LZIC: variants seen among roughly 807,000 people sequenced by gnomAD.
LZIC encodes protein LZIC.
LZIC carries 28 observed loss-of-function variants against 25.4 expected under a neutral mutation model. That is an observed-to-expected ratio of 1.10 (90% confidence interval 0.82 to 1.51). The LOEUF (loss-of-function observed/expected upper bound fraction) is 1.51. LZIC is among the 40% of genes most tolerant of loss of function. The probability of loss-of-function intolerance (pLI) is 0.00; values close to 1 mark genes in which losing one functional copy is unlikely to be tolerated. For synonymous variants in LZIC, 65 were observed against 70.7 expected (o/e 0.92, Z 0.40); for missense variants, 170 against 211.1 (o/e 0.81, Z 1.21).
Position 9,936,599 on chromosome 1 carries a change from T to TGAG in LZIC, c.20_21insCTC (p.Thr7_Glu8insSer). On this transcript the variant is annotated inframe_insertion, in exon 3 of 8. Transcript: ENST00000377223. ...AATTCTGCTTTAATTTGCTTGTCTCTGTCTTTCCTCTGGAAGCCATTTTAA... is the reference window on the plus strand; with the variant it reads ...AATTCTGCTTTAATTTGCTTGTCTCTGAGGTCTTTCCTCTGGAAGCCATTTTAA... The TGAG allele has an allele frequency of 2.5e-6, 4 of 1,613,048 alleles. No homozygotes were observed. The highest frequency in any genetic ancestry group is 3.4e-6 in the Non-Finnish European group (4 of 1,179,238).
At position 9,942,628 on chromosome 1, in the gene LZIC, C is replaced by CTTT; in HGVS notation, c.-14_-13insAAA. ...AGGGTCCTCATTCATGCTCACCTGTCTCTTAGTACTCTGATCTCTGCACAG... is the reference window on the plus strand; with the variant it reads ...AGGGTCCTCATTCATGCTCACCTGTCTTTTCTTAGTACTCTGATCTCTGCACAG... On this transcript the variant is annotated 5_prime_UTR_variant, in exon 2 of 8. Transcript: ENST00000377223. 1 of 1,283,610 alleles carries CTTT rather than the reference C, an allele frequency of 7.8e-7. No individual in the cohort carries two copies. 79.5% of individuals were successfully genotyped at this position (1,283,610 alleles called of 1,614,324 possible). A position where few individuals can be genotyped will look rare whatever the true frequency, so the allele number is the denominator to read the frequency against.
downstream of LZIC, among the ~76,000 whole-genome samples, chr1:9,925,157 CAAAAAA>C (rs35578033): frequency 9.9e-6 from 1 of 101,308 alleles, no homozygotes. Context: ...ACTAAAAATA[CAAAAAA>C]AAAAAAAAAA....
chr1:9,934,923 T>C, intron 4 of LZIC, 63 bp from the exon 5 acceptor site: 1 of 1,164,516 alleles, frequency 8.6e-7, no homozygotes, highest in Non-Finnish European at 1.3e-6. Flanking sequence ...TTGCAATAAC[T>C]GATTGACGGA....
At chr1:9,938,114 A>G (rs543291717) in intron 2 of LZIC, among the ~76,000 whole-genome samples, 1 of 152,168 alleles carries the variant, frequency 6.6e-6, no homozygotes, top group South Asian at 2.1e-4. Flanking sequence ...TTATAGCCCC[A>G]AACACTCCAG....
chr1:9,941,569 G>A (rs546973830), intron 2 of LZIC, among the ~76,000 whole-genome samples: 2 of 147,800 alleles, frequency 1.4e-5, no homozygotes, highest in African/African-American at 2.5e-5. Context: ...GCACGATCTC[G>A]GCTCACTGCA....
At chr1:9,925,369 AAAAC>A (rs991800019), downstream of LZIC, among the ~76,000 whole-genome samples, 13 of 152,130 alleles carry the variant, frequency 8.5e-5, no homozygotes, top group African/African-American at 3.1e-4. Context: ...TTCACTCTAA[AAAAC>A]AAACACACAG....
chr1:9,933,036 C>G (rs1012417465), intron 5 of LZIC, 138 bp from the exon 6 acceptor site: 1 of 572,918 alleles, frequency 1.7e-6, no homozygotes, highest in South Asian at 2.1e-5. Flanking sequence ...GGGCGGATCA[C>G]GAGGTCAGGA....
intron 5 of LZIC, among the ~76,000 whole-genome samples, chr1:9,933,348 C>T (rs1409483441): frequency 6.8e-6 from 1 of 146,610 alleles, no homozygotes; most frequent in East Asian, 2.0e-4. Flanking sequence ...AAAAAATCCT[C>T]TAGCTGATTA....
At position 9,932,908 on chromosome 1, in the gene LZIC, A is replaced by G; in HGVS notation, c.337-10T>C. On this transcript the variant is annotated splice_polypyrimidine_tract_variant and intron_variant, in intron 5 of 7. Coordinates refer to ENST00000377223, the MANE Select transcript of LZIC (RefSeq NM_032368.5). ...TCAGATCTCTATCCATCTAAAACGT[A>G]TGAATGCAAGGCATATGTTACTTAA... is the stretch of plus-strand genomic sequence containing the variant. 1 of 1,550,378 alleles carries G rather than the reference A, an allele frequency of 6.5e-7. No homozygotes were observed.
At chr1:9,923,127 G>C (rs1350218298), downstream of LZIC, among the ~76,000 whole-genome samples, 1 of 152,186 alleles carries the variant, frequency 6.6e-6, no homozygotes, top group Non-Finnish European at 1.5e-5. Context: ...GGGACTCCCA[G>C]TTAATTTTAT....
rs2101578574 is a variant in LZIC, at chr1:9,928,087, G to A, written c.*2312C>T. On this transcript the variant is annotated 3_prime_UTR_variant, in exon 8 of 8. Coordinates refer to ENST00000377223, the MANE Select transcript of LZIC (RefSeq NM_032368.5). ...CCCAGCACTCTGGGAGGTTGAGGCG[G>A]GTGGATCACCTAAGGTCAGGAGTTC... 6.6e-6 allele frequency among the ~76,000 whole-genome samples: 1 copy of A among 152,194 alleles called. No individual in the cohort carries two copies. The highest frequency in any genetic ancestry group is 3.4e-3 in the Middle Eastern group (1 of 294).
Position 9,929,670 on chromosome 1 carries a change from C to G in LZIC, c.*729G>C. ...GTTCCAACCTCAAAATTCCGAGATACAACGGGCCCCATTAATACAGACAGC... is the reference window on the plus strand; with the variant it reads ...GTTCCAACCTCAAAATTCCGAGATAGAACGGGCCCCATTAATACAGACAGC... On this transcript the variant is annotated 3_prime_UTR_variant, in exon 8 of 8. Transcript: ENST00000377223. 1 of 985,432 alleles carries G rather than the reference C, an allele frequency of 1.0e-6. No homozygotes were observed. Among genetic ancestry groups the G allele is most frequent in the Non-Finnish European group, 1.2e-6 (1 of 829,934 alleles). 61.0% of individuals were successfully genotyped at this position (985,432 alleles called of 1,614,324 possible).
chr1:9,933,420 C>T (rs1231198391), intron 5 of LZIC, among the ~76,000 whole-genome samples: 2 of 151,548 alleles, frequency 1.3e-5, no homozygotes, highest in East Asian at 3.9e-4. Flanking sequence ...AAATGCAGTT[C>T]TAGTAAATCA....
At position 9,940,668 on chromosome 1, in the gene LZIC, T is replaced by C. The variant is rs187322487; in HGVS notation, c.-9+1956A>G. On this transcript the variant is annotated intron_variant, in intron 2 of 7. Coordinates refer to ENST00000377223, the MANE Select transcript of LZIC (RefSeq NM_032368.5). Reference sequence around the variant, plus strand: ...CATAATGAAATCATTACCAGATGATTTGACATGTGTACTTCATTGGAGAGG... The same window carrying C: ...CATAATGAAATCATTACCAGATGATCTGACATGTGTACTTCATTGGAGAGG... Among the ~76,000 whole-genome samples, 98 of 152,326 alleles carry C rather than the reference T, an allele frequency of 6.4e-4. No individual in the cohort carries two copies. In the East Asian group the frequency reaches 7.7e-3, roughly 12 times the overall value.
In LZIC at chr1:9,929,546, G is replaced by A. The variant is rs963936601; in HGVS notation, c.*853C>T. The A allele has an allele frequency of 1.8e-5, 18 of 985,240 alleles. No individual in the cohort carries two copies. Among genetic ancestry groups the A allele is most frequent in the South Asian group, 9.4e-5 (2 of 21,286 alleles). The allele number at this position is 985,240 out of a possible 1,614,324, so 61.0% of individuals were successfully genotyped here. ...CCCTCTGAGTGTGACAAGAGGTCAC[G>A]CACAGGGAGGGCCTCTAGCTGCCAT... On this transcript the variant is annotated 3_prime_UTR_variant, in exon 8 of 8. Coordinates refer to ENST00000377223, the MANE Select transcript of LZIC (RefSeq NM_032368.5).
chr1:9,930,337 C>G lies in LZIC; in HGVS notation c.*62G>C. On this transcript the variant is annotated 3_prime_UTR_variant, in exon 8 of 8. Transcript: ENST00000377223. ...TCATTTCTTTGCAATAACTGAAAAC[C>G]CCAGAAGAAAGACACCATTTACATT... 1 of 1,588,048 alleles carries G rather than the reference C, an allele frequency of 6.3e-7. No individual in the cohort carries two copies. The highest frequency in any genetic ancestry group is 8.6e-7 in the Non-Finnish European group (1 of 1,168,722).
At chr1:9,935,010 T>C in intron 4 of LZIC, 150 bp from the exon 5 acceptor site, 1 of 670,872 alleles carries the variant, frequency 1.5e-6, no homozygotes, top group Non-Finnish European at 2.6e-6. Flanking sequence ...TGGAAGGATA[T>C]GTTGTGTATG....
rs1446127789 is a variant in LZIC, at chr1:9,926,732, T to C, written c.*3667A>G. 6.6e-6 allele frequency among the ~76,000 whole-genome samples: 1 copy of C among 152,210 alleles called. No homozygotes were observed. The highest frequency in any genetic ancestry group is 1.5e-5 in the Non-Finnish European group (1 of 68,042). On this transcript the variant is annotated 3_prime_UTR_variant, in exon 8 of 8. Transcript: ENST00000377223. ...AACACAAGAATTCCTTTCACCAAAA[T>C]ATTAGCCTGACACAAGAATGTTGAA...
chr1:9,936,269 G>A (rs1341267528), intron 3 of LZIC, among the ~76,000 whole-genome samples: 1 of 152,142 alleles, frequency 6.6e-6, no homozygotes, highest in Non-Finnish European at 1.5e-5. Context: ...CAAAGTAGGT[G>A]TTATTTCTAC....
Sources: allele counts gnomAD v4.1 joint callset (sites outside exome capture counted in the v4.1 genomes callset), GRCh38; gene constraint gnomAD v4.1.1; transcripts MANE v1.5; gene names NCBI Gene and HGNC (gene_info 2026-07-23, HGNC 2026-07-21).